SLC15A4: variants seen among roughly 807,000 people sequenced by gnomAD.
SLC15A4 encodes solute carrier family 15 member 4.
SLC15A4 carries 26 observed loss-of-function variants against 46.1 expected under a neutral mutation model. That is an observed-to-expected ratio of 0.56 (90% CI 0.41 to 0.78). The LOEUF (loss-of-function observed/expected upper bound fraction) is 0.78, where lower values mean the gene tolerates loss of function less well. SLC15A4 is among the 30% of genes least tolerant of loss of function. The pLI is 0.00. For synonymous variants in SLC15A4, 370 were observed against 333.4 expected (o/e 1.11, Z -1.20); for missense variants, 751 against 755.7 (o/e 0.99, Z 0.07).
intron 2 of SLC15A4, among the ~76,000 whole-genome samples, chr12:128,811,036 G>A (rs74558062): frequency 0.023 from 3,438 of 152,262 alleles, 127 homozygotes; most frequent in African/African-American, 0.078. Flanking sequence ...TTGTACTAAC[G>A]AGTTTCACTT....
rs35439692 is a variant in SLC15A4 at position 128,814,781 on chromosome 12, C to A, written c.836G>T (p.Ser279Ile). ...CSQKRSGERQ[S>I]NGEGIGVFQQ... ...ATGAGAACTAAGTGCTTACCCATTACTCTGGCGCTCTCCACTTCGCTTCTG... is the reference window on the plus strand; with the variant it reads ...ATGAGAACTAAGTGCTTACCCATTAATCTGGCGCTCTCCACTTCGCTTCTG... The change falls in exon 2 of 8, where the codon AGT becomes ATT. Residue 279 changes from serine (S) to isoleucine (I), a missense_variant. Coordinates refer to ENST00000266771, the MANE Select transcript of SLC15A4 (RefSeq NM_145648.4). 671 of 1,613,872 alleles carry A rather than the reference C, an allele frequency of 4.2e-4. 6 individuals are homozygous for A. In the African/African-American group the frequency reaches 7.9e-3, roughly 19 times the overall value.
intron 1 of SLC15A4, among the ~76,000 whole-genome samples, chr12:128,823,130 G>A (rs539721934): frequency 1.3e-5 from 2 of 152,318 alleles, no homozygotes; most frequent in African/African-American, 4.8e-5. Context: ...GAGCCACCGC[G>A]CCCGGCCTCT....
intron 1 of SLC15A4, chr12:128,819,959 A>T (rs543356526): frequency 2.0e-5 from 3 of 152,340 alleles, no homozygotes; most frequent in Non-Finnish European, 4.4e-5. Context: ...CTTGGGAGCT[A>T]ACCCTCTAGG....
Position 128,800,879 on chromosome 12 carries a change from G to A in SLC15A4, c.1389C>T (p.Ile463=). Residue 463 remains isoleucine (I), a synonymous_variant, in exon 6 of 8, where the codon ATC becomes ATT. Transcript: ENST00000266771. ...CTGCGATACTTGCAAAGATCTCGCT[G>A]ATCCCAATCAGCAAGTACTGCGGCA... The part of the protein sequence containing the change: ...WQVPQYLLIG[I]SEIFASIAGL... 6.2e-7 allele frequency: 1 copy of A among 1,613,198 alleles called. No homozygotes were observed. The highest frequency in any genetic ancestry group is 8.5e-7 in the Non-Finnish European group (1 of 1,179,784).
intron 5 of SLC15A4, among the ~76,000 whole-genome samples, chr12:128,803,199 G>A (rs144628438): frequency 5.9e-4 from 90 of 152,178 alleles, no homozygotes; most frequent in Non-Finnish European, 1.1e-3. Context: ...TGAGTATTAC[G>A]GTTAATACAC....
In SLC15A4 at chr12:128,814,760, G is replaced by A. The variant is rs1172533941; in HGVS notation, c.842+15C>T. 5.0e-6 allele frequency: 8 copies of A among 1,610,652 alleles called. No individual in the cohort carries two copies. The highest frequency in any genetic ancestry group is 2.2e-5 in the East Asian group (1 of 44,792). On this transcript the variant is annotated intron_variant, in intron 2 of 7. Coordinates refer to ENST00000266771, the MANE Select transcript of SLC15A4 (RefSeq NM_145648.4). The stretch of plus-strand genomic sequence containing the variant: ...AGTCCTTTCAAACAGCCCAAGATGA[G>A]AACTAAGTGCTTACCCATTACTCTG...
At position 128,823,418 on chromosome 12, in the gene SLC15A4, T is replaced by C; in HGVS notation, c.526A>G (p.Thr176Ala). 3 of 1,451,608 alleles carry C rather than the reference T, an allele frequency of 2.1e-6. No individual in the cohort carries two copies. The highest frequency in any genetic ancestry group is 1.8e-6 in the Non-Finnish European group (2 of 1,109,078). 89.9% of individuals were successfully genotyped at this position (1,451,608 alleles called of 1,614,324 possible). Residue 176 changes from threonine to alanine, a missense_variant, in exon 1 of 8, where the codon ACG becomes GCG. Coordinates refer to ENST00000266771, the MANE Select transcript of SLC15A4 (RefSeq NM_145648.4). The part of the protein sequence containing the change: ...LGVATVKANI[T>A]PFGADQVKDR... ...CTCACCTGGTCGGCGCCGAAGGGCG[T>C]GATGTTGGCCTTGACGGTGGCCACG...
At chr12:128,801,149 C>A in intron 5 of SLC15A4, 140 bp from the exon 6 acceptor site, 1 of 773,392 alleles carries the variant, frequency 1.3e-6, no homozygotes, top group Non-Finnish European at 2.0e-6. Context: ...CAGCTTCCCC[C>A]AGGACTAATA....
intron 7 of SLC15A4, among the ~76,000 whole-genome samples, chr12:128,796,142 G>C (rs184792987): frequency 6.6e-6 from 1 of 152,072 alleles, no homozygotes; most frequent in Non-Finnish European, 1.5e-5. Flanking sequence ...ATACACGTCT[G>C]GGCCAGGCGC....
At chr12:128,800,753 G>T (rs1234420439) in intron 6 of SLC15A4, 101 bp downstream of exon 6, 1 of 1,262,486 alleles carries the variant, frequency 7.9e-7, no homozygotes, top group Non-Finnish European at 1.1e-6. Context: ...CAGAAGTGCT[G>T]TGCTATCCTT....
At chr12:128,808,996 T>A (rs1566051416) in intron 4 of SLC15A4, 40 bp from the exon 5 acceptor site, 1 of 1,585,352 alleles carries the variant, frequency 6.3e-7, no homozygotes, top group African/African-American at 1.3e-5. Flanking sequence ...CTCCCCGCAA[T>A]ACAGGCCATC....
chr12:128,823,377 G>T, intron 1 of SLC15A4, 21 bp downstream of exon 1: 1 of 1,393,316 alleles, frequency 7.2e-7, no homozygotes, highest in South Asian at 1.6e-5. Context: ...GACAGGGACA[G>T]CGCGCGGGGG....
At chr12:128,800,490 C>T (rs987378748) in intron 6 of SLC15A4, among the ~76,000 whole-genome samples, 1 of 152,216 alleles carries the variant, frequency 6.6e-6, no homozygotes, top group East Asian at 1.9e-4. Context: ...TGCTTCTTTA[C>T]GTACATCTAA....
chr12:128,805,153 C>G (rs571012086), intron 5 of SLC15A4, among the ~76,000 whole-genome samples: 1 of 152,068 alleles, frequency 6.6e-6, no homozygotes, highest in Admixed American at 6.5e-5. Context: ...GGATACCCCC[C>G]CCAAAAAAAT....
intron 2 of SLC15A4, among the ~76,000 whole-genome samples, chr12:128,812,023 C>T (rs1179181206): frequency 6.6e-6 from 1 of 152,196 alleles, no homozygotes; most frequent in African/African-American, 2.4e-5. Context: ...GTGCCTGAGT[C>T]TCTGTGAAGG....
At chr12:128,795,555 G>C (rs897743399) in intron 7 of SLC15A4, among the ~76,000 whole-genome samples, 1 of 152,214 alleles carries the variant, frequency 6.6e-6, no homozygotes. Context: ...GCACTCAAGA[G>C]GGAGTCTGGA....
At position 128,823,608 on chromosome 12, in the gene SLC15A4, G is replaced by T. The variant is rs1187466639; in HGVS notation, c.336C>A (p.Leu112=). The T allele has an allele frequency of 2.1e-6, 3 of 1,462,376 alleles. No homozygotes were observed. Among genetic ancestry groups the T allele is most frequent in the Non-Finnish European group, 2.7e-6 (3 of 1,113,170 alleles). 90.6% of individuals were successfully genotyped at this position (1,462,376 alleles called of 1,614,324 possible). The change falls in exon 1 of 8, where the codon CTC becomes CTA. Residue 112 remains leucine (L), a synonymous_variant. Coordinates refer to ENST00000266771, the MANE Select transcript of SLC15A4 (RefSeq NM_145648.4). Reference sequence around the variant, plus strand: ...GGAAGGCCAGCATGCCCAGCAGGTAGAGCGCCAGGCTCAGCAGGATGGCGC... The same window carrying T: ...GGAAGGCCAGCATGCCCAGCAGGTATAGCGCCAGGCTCAGCAGGATGGCGC... ...RARAILLSLA[L]YLLGMLAFPL... is the part of the protein sequence containing the mutation.
intron 1 of SLC15A4, among the ~76,000 whole-genome samples, chr12:128,817,898 CTG>C (rs1348001041): frequency 6.6e-6 from 1 of 152,154 alleles, no homozygotes; most frequent in African/African-American, 2.4e-5. Context: ...CATGACATCA[CTG>C]TGTGAGCTGC....
At chr12:128,823,091 G>A (rs1354784221) in intron 1 of SLC15A4, among the ~76,000 whole-genome samples, 1 of 152,126 alleles carries the variant, frequency 6.6e-6, no homozygotes, top group Non-Finnish European at 1.5e-5. Flanking sequence ...TCCCGCCTCG[G>A]CCTCCCAAAG....
Sources: gnomAD v4.1 joint callset for allele counts (sites outside exome capture counted in the v4.1 genomes callset) on GRCh38, gnomAD v4.1.1 for gene constraint, MANE v1.5 for transcripts, NCBI Gene and HGNC (gene_info 2026-07-23, HGNC 2026-07-21) for gene names.